Variants in CAPN8 observed in about 807,000 individuals in gnomAD.
CAPN8 encodes the protein calpain-8.
A neutral mutation model predicts 80.9 loss-of-function variants in CAPN8; 87 were observed. The observed-to-expected ratio is 1.07, with a 90% confidence interval of 0.90 to 1.28. The LOEUF is 1.28. Among genes scored for constraint, CAPN8 ranks in the 50% most tolerant of loss-of-function variants. CAPN8 has a pLI of 0.00. For missense variants in CAPN8, 757 were observed against 702.0 expected (o/e 1.08, Z -0.89); for synonymous variants, 299 against 273.8 (o/e 1.09, Z -0.91).
intron 6 of CAPN8, among the ~76,000 whole-genome samples, chr1:223,623,984 G>C (rs1657482363): frequency 7.0e-6 from 1 of 142,958 alleles, no homozygotes; most frequent in Non-Finnish European, 1.5e-5. Context: ...TGGTGATAGA[G>C]CAAGACTCCA....
At position 223,626,961 on chromosome 1, in the gene CAPN8, G is replaced by A. The variant is rs762302424; in HGVS notation, c.729+28C>T. ...ACAAGGGGTGGCGGTGGGGGGAGGT[G>A]GGGCAGTAGAGAAGCCATATGCCTC... is the stretch of plus-strand genomic sequence containing the variant. On this transcript the variant is annotated intron_variant, in intron 5 of 20. Transcript: ENST00000366872. The A allele has an allele frequency of 7.8e-6, 12 of 1,543,542 alleles. No homozygotes were observed. In the South Asian group the frequency reaches 1.4e-4, roughly 18 times the overall value.
At chr1:223,631,209 A>T (rs1039483617) in intron 2 of CAPN8, among the ~76,000 whole-genome samples, 5 of 152,132 alleles carry the variant, frequency 3.3e-5, no homozygotes, top group Middle Eastern at 3.4e-3. Context: ...CCCCTTCTCC[A>T]TGAAGCTTTC....
chr1:223,660,148 A>G (rs946718158), intron 1 of CAPN8, among the ~76,000 whole-genome samples: 3 of 152,108 alleles, frequency 2.0e-5, no homozygotes, highest in African/African-American at 7.2e-5. Flanking sequence ...TTTCTCTTAA[A>G]CTAGGTCCTT....
chr1:223,647,833 G>T (rs776196124), intron 2 of CAPN8, among the ~76,000 whole-genome samples: 1 of 152,178 alleles, frequency 6.6e-6, no homozygotes, highest in Non-Finnish European at 1.5e-5. Context: ...ATGAACAAAA[G>T]ATTTGGAGAG....
intron 2 of CAPN8, among the ~76,000 whole-genome samples, chr1:223,631,083 T>A (rs1657760379): frequency 6.6e-6 from 1 of 152,150 alleles, no homozygotes; most frequent in Non-Finnish European, 1.5e-5. Context: ...CACTCTCCGC[T>A]ATGAATCTAA....
chr1:223,637,091 A>T (rs972804221), intron 2 of CAPN8, among the ~76,000 whole-genome samples: 2 of 152,146 alleles, frequency 1.3e-5, no homozygotes, highest in Non-Finnish European at 2.9e-5. Context: ...CGCGTATATC[A>T]TGGTTAGACT....
chr1:223,618,014 G>A, intron 9 of CAPN8: 1 of 517,184 alleles, frequency 1.9e-6, no homozygotes, highest in Non-Finnish European at 3.4e-6. Flanking sequence ...TCCAGGTGGG[G>A]TTTTATTCTA....
chr1:223,637,064 C>T (rs2102721596), intron 2 of CAPN8, among the ~76,000 whole-genome samples: 1 of 152,332 alleles, frequency 6.6e-6, no homozygotes, highest in African/African-American at 2.4e-5. Flanking sequence ...TTCTGACACT[C>T]ACCTCTCTGA....
chr1:223,626,999 C>G lies in CAPN8; in HGVS notation c.719G>C (p.Cys240Ser). The change falls in exon 5 of 21, where the codon TGC (cysteine) becomes TCC (serine). Residue 240 changes from cysteine (C) to serine (S), a missense_variant. Physicochemically the swap from Cys to Ser is moderately radical, Grantham distance 112. Coordinates refer to ENST00000366872, the MANE Select transcript of CAPN8 (RefSeq NM_001143962.2). ...KALCAGSLLG[C>S]SIDVSSAAEA... is the part of the protein sequence containing the mutation. ...AGCCATATGCCTCACATCAATGGAG[C>G]AGCCCAGCAGAGACCCCGCACAGAG... 6.4e-7 allele frequency: 1 copy of G among 1,551,126 alleles called. No individual in the cohort carries two copies. Among genetic ancestry groups the G allele is most frequent in the South Asian group, 1.2e-5 (1 of 83,966 alleles).
intron 2 of CAPN8, 30 bp downstream of exon 2, chr1:223,654,300 A>G (rs1198965256): frequency 1.3e-6 from 2 of 1,549,362 alleles, no homozygotes; most frequent in Admixed American, 3.9e-5. Flanking sequence ...CCCTCTCCCA[A>G]AACAAATAAG....
intron 6 of CAPN8, among the ~76,000 whole-genome samples, chr1:223,624,637 C>T (rs904950667): frequency 2.6e-5 from 4 of 151,806 alleles, no homozygotes; most frequent in Admixed American, 6.6e-5. Context: ...TCACTTGAGC[C>T]CAGGAGGTTG....
chr1:223,618,418 G>A (rs1386553989), intron 9 of CAPN8: 15 of 1,186,558 alleles, frequency 1.3e-5, no homozygotes, highest in East Asian at 2.6e-5. Flanking sequence ...CCCATGACAC[G>A]CATGCCCTGT....
chr1:223,654,523 T>A (rs1341475291), intron 1 of CAPN8, 124 bp from the exon 2 acceptor site: 2 of 812,618 alleles, frequency 2.5e-6, no homozygotes, highest in Admixed American at 2.1e-5. Flanking sequence ...CTACTGCCCA[T>A]CACATGGTTT....
At position 223,616,116 on chromosome 1, in the gene CAPN8, T is replaced by C. The variant is rs1281215466; in HGVS notation, c.1165A>G (p.Ile389Val). 1 of 1,551,552 alleles carries C rather than the reference T, an allele frequency of 6.4e-7. No individual in the cohort carries two copies. Among genetic ancestry groups the C allele is most frequent in the Admixed American group, 2.0e-5 (1 of 50,990 alleles). ...TCCTCATCCACTTCATCCAAACGGATTTTGAACTGGGGATTGGTCCAGTAC... is the reference window on the plus strand; with the variant it reads ...TCCTCATCCACTTCATCCAAACGGACTTTGAACTGGGGATTGGTCCAGTAC... ...ATYWTNPQFK[I>V]RLDEVDEDQE... The change falls in exon 10 of 21, where the codon ATC becomes GTC. Residue 389 changes from isoleucine (I) to valine (V), a missense_variant. Coordinates refer to ENST00000366872, the MANE Select transcript of CAPN8 (RefSeq NM_001143962.2).
Position 223,555,945 on chromosome 1 carries a change from C to T in CAPN8, c.1573-2045G>A, listed in dbSNP as rs959408281. 4.7e-3 allele frequency among the ~76,000 whole-genome samples: 710 copies of T among 152,280 alleles called. 3 individuals carry two copies. Among genetic ancestry groups the T allele is most frequent in the Non-Finnish European group, 7.1e-3 (485 of 68,022 alleles). ...AGGCGTAGTTTTTGTTCTCAAGGAA[C>T]GTACTATAGTGGAATTTTCTATTTC... On this transcript the variant is annotated intron_variant, in intron 13 of 20. Transcript: ENST00000366872.
At chr1:223,631,713 G>A (rs888385614) in intron 2 of CAPN8, among the ~76,000 whole-genome samples, 1 of 152,190 alleles carries the variant, frequency 6.6e-6, no homozygotes, top group Admixed American at 6.5e-5. Flanking sequence ...AGTCTGTGGG[G>A]AAGTGGCATT....
intron 2 of CAPN8, chr1:223,629,098 AG>A (rs1217173630): frequency 8.8e-6 from 3 of 340,592 alleles, no homozygotes; most frequent in East Asian, 5.7e-5. Context: ...AGAAAAGAAA[AG>A]AAAATTAGTC....
Position 223,609,335 on chromosome 1 carries a change from G to T in CAPN8, c.1353C>A (p.Gly451=), listed in dbSNP as rs1407329216. 25 of 398,560 alleles carry T rather than the reference G, an allele frequency of 6.3e-5. No homozygotes were observed. Among genetic ancestry groups the T allele is most frequent in the African/African-American group, 4.9e-4 (24 of 48,726 alleles). 24.7% of individuals were successfully genotyped at this position (398,560 alleles called of 1,614,324 possible). ...GCTGGTAGGCCAGGAAGAAATCCCG[G>T]CCCAAGTGTGCGTCCGTGTGACTCT... is the stretch of plus-strand genomic sequence containing the variant. The part of the protein sequence containing the change: ...ELESHTDAHL[G]RDFFLAYQPS... Residue 451 remains glycine (G), a synonymous_variant, in exon 12 of 21, where the codon GGC becomes GGA. Coordinates refer to ENST00000366872, the MANE Select transcript of CAPN8 (RefSeq NM_001143962.2).
chr1:223,545,802 A>G (rs985566726), intron 16 of CAPN8, among the ~76,000 whole-genome samples: 2 of 149,586 alleles, frequency 1.3e-5, no homozygotes, highest in African/African-American at 4.9e-5. Context: ...TCTGTGTCCA[A>G]CTTACATTCA....
Sources: gnomAD v4.1 joint callset for allele counts (sites outside exome capture counted in the v4.1 genomes callset) on GRCh38, gnomAD v4.1.1 for gene constraint, MANE v1.5 for transcripts, NCBI Gene and HGNC (gene_info 2026-07-23, HGNC 2026-07-21) for gene names.